Variants in DEPDC1 observed in about 807,000 individuals in gnomAD.
DEPDC1 encodes DEP domain-containing protein 1A.
A neutral mutation model predicts 86.8 loss-of-function variants in DEPDC1; 66 were observed. That is an observed-to-expected ratio of 0.76 (90% CI 0.62 to 0.93). DEPDC1 has a LOEUF of 0.93. Among genes scored for constraint, DEPDC1 ranks in the 40% least tolerant of loss-of-function variants. DEPDC1 has a pLI of 0.00. For synonymous variants in DEPDC1, 255 were observed against 314.9 expected (o/e 0.81, Z 2.02); for missense variants, 792 against 935.7 (o/e 0.85, Z 2.00).
Position 68,482,555 on chromosome 1 carries a change from G to A in DEPDC1, c.1253C>T (p.Pro418Leu). 1 of 1,613,102 alleles carries A rather than the reference G, an allele frequency of 6.2e-7. No homozygotes were observed. The highest frequency in any genetic ancestry group is 8.5e-7 in the Non-Finnish European group (1 of 1,179,348). Reference protein sequence around the residue: ...NMHDLSSNSKPRCCSLEGIVD... With the variant: ...NMHDLSSNSKLRCCSLEGIVD... ...AATTCCTTCCAAAGAACAGCACCTT[G>A]GTTTGCTGTTAGAGGATAGATCATG... Residue 418 changes from proline to leucine, a missense_variant, in exon 8 of 12, where the codon CCA (proline) becomes CTA (leucine). By Grantham distance (98) the Pro-to-Leu change is moderately conservative. Transcript: ENST00000456315.
Position 68,497,003 on chromosome 1 carries a change from T to C in DEPDC1, c.-4A>G, listed in dbSNP as rs1481187604. On this transcript the variant is annotated 5_prime_UTR_variant, in exon 1 of 12. Coordinates refer to ENST00000456315, the MANE Select transcript of DEPDC1 (RefSeq NM_001114120.3). ...GAGGCACACCCTGACTCTCCATAGGTCTGTCAGCGCCCGGTGGCGTCCATG... is the reference window on the plus strand; with the variant it reads ...GAGGCACACCCTGACTCTCCATAGGCCTGTCAGCGCCCGGTGGCGTCCATG... 6 of 1,611,538 alleles carry C rather than the reference T, an allele frequency of 3.7e-6. No individual in the cohort carries two copies. In the African/African-American group the frequency reaches 6.7e-5, roughly 18 times the overall value.
At chr1:68,494,197 C>T (rs1477519467) in intron 2 of DEPDC1, among the ~76,000 whole-genome samples, 1 of 152,112 alleles carries the variant, frequency 6.6e-6, no homozygotes, top group Admixed American at 6.6e-5. Context: ...CAGTATTTCC[C>T]TTCCAATTCC....
chr1:68,488,509 A>G lies in DEPDC1; in HGVS notation c.591-5T>C. On this transcript the variant is annotated splice_polypyrimidine_tract_variant and splice_region_variant and intron_variant, in intron 4 of 11. Transcript: ENST00000456315. ...ACACCTAAAATGGTTTGCAGGCTAAATAGAAGAAAGAATATTAACTTTTTT... is the reference window on the plus strand; with the variant it reads ...ACACCTAAAATGGTTTGCAGGCTAAGTAGAAGAAAGAATATTAACTTTTTT... The G allele has an allele frequency of 6.3e-7, 1 of 1,598,664 alleles. No individual in the cohort carries two copies. The highest frequency in any genetic ancestry group is 1.1e-5 in the South Asian group (1 of 87,544).
At chr1:68,483,248 T>G (rs746831667) in intron 7 of DEPDC1, 1 of 525,556 alleles carries the variant, frequency 1.9e-6, no homozygotes, top group Non-Finnish European at 3.8e-6. Context: ...ATAAAATACA[T>G]ATATTTGATC....
rs777263970 is a variant in DEPDC1 at position 68,484,061 on chromosome 1, T to C, written c.799A>G (p.Thr267Ala). 1.9e-6 allele frequency: 3 copies of C among 1,583,088 alleles called. No homozygotes were observed. The highest frequency in any genetic ancestry group is 2.6e-6 in the Non-Finnish European group (3 of 1,168,772). Residue 267 changes from threonine (T) to alanine (A), a missense_variant, in exon 7 of 12, where the codon ACT becomes GCT. Transcript: ENST00000456315. ...WPRSNDMNNP[T>A]YVGFERDVFR... is the part of the protein sequence containing the mutation. Reference sequence around the variant, plus strand: ...ACATCTCGTTCAAATCCAACATAAGTTGGATTATTCATATCATTGCTTCTT... The same window carrying C: ...ACATCTCGTTCAAATCCAACATAAGCTGGATTATTCATATCATTGCTTCTT...
In DEPDC1 at chr1:68,474,381, C is replaced by T. The variant is rs1393891922; in HGVS notation, c.*2551G>A. 6.6e-6 allele frequency: 1 copy of T among 152,006 alleles called. No individual in the cohort carries two copies. Among genetic ancestry groups the T allele is most frequent in the East Asian group, 1.9e-4 (1 of 5,174 alleles). The allele number at this position is 152,006 out of a possible 1,614,324, so 9.4% of individuals were successfully genotyped here. A position where few individuals can be genotyped will look rare whatever the true frequency, so the allele number is the denominator to read the frequency against. The stretch of plus-strand genomic sequence containing the variant: ...AGAAAGGTAAGTCAGTGGGAAATTC[C>T]ATGTACATTCCATTACTAAATGCCA... On this transcript the variant is annotated 3_prime_UTR_variant, in exon 12 of 12. Coordinates refer to ENST00000456315, the MANE Select transcript of DEPDC1 (RefSeq NM_001114120.3).
At chr1:68,483,681 A>G (rs1306580697) in intron 7 of DEPDC1, 1 of 278,518 alleles carries the variant, frequency 3.6e-6, no homozygotes, top group Non-Finnish European at 6.8e-6. Context: ...TAGCTTTTAT[A>G]ATAAACTAAT....
At chr1:68,483,657 C>A (rs776312582) in intron 7 of DEPDC1, 19 of 248,806 alleles carry the variant, frequency 7.6e-5, no homozygotes, top group Non-Finnish European at 1.3e-4. Context: ...TTCCATTTGG[C>A]TATTCTTGAG....
intron 6 of DEPDC1, 35 bp from the exon 7 acceptor site, chr1:68,484,125 A>G (rs1306280167): frequency 6.9e-7 from 1 of 1,444,092 alleles, no homozygotes; most frequent in Non-Finnish European, 9.3e-7. Context: ...AAGGTAAAGT[A>G]TATTTTAATT....
intron 2 of DEPDC1, among the ~76,000 whole-genome samples, chr1:68,491,223 A>G (rs1285361799): frequency 6.6e-6 from 1 of 152,200 alleles, no homozygotes; most frequent in Admixed American, 6.5e-5. Flanking sequence ...GCAAAAGAAA[A>G]CTATCAATGG....
chr1:68,489,173 GT>G, intron 3 of DEPDC1, 139 bp from the exon 4 acceptor site: 1 of 644,310 alleles, frequency 1.6e-6, no homozygotes, highest in Non-Finnish European at 2.6e-6. Context: ...TGGTAATGGA[GT>G]TTTTAATTTT....
intron 5 of DEPDC1, 21 bp downstream of exon 5, chr1:68,488,353 A>G (rs768828682): frequency 1.3e-6 from 2 of 1,556,458 alleles, no homozygotes; most frequent in African/African-American, 1.4e-5. Context: ...TTAAAAGTCC[A>G]ATTATTTTAT....
chr1:68,495,961 C>T (rs1366581256), intron 1 of DEPDC1, among the ~76,000 whole-genome samples: 1 of 152,136 alleles, frequency 6.6e-6, no homozygotes, highest in African/African-American at 2.4e-5. Flanking sequence ...AGGTTCCTTC[C>T]TGTCCTAAAT....
intron 5 of DEPDC1, among the ~76,000 whole-genome samples, chr1:68,488,023 A>C (rs960289460): frequency 6.6e-6 from 1 of 151,830 alleles, no homozygotes; most frequent in Non-Finnish European, 1.5e-5. Flanking sequence ...GACCATTTCT[A>C]TCTTACTTAT....
chr1:68,481,081 T>C (rs540724835), intron 9 of DEPDC1, among the ~76,000 whole-genome samples: 2 of 152,032 alleles, frequency 1.3e-5, no homozygotes, highest in East Asian at 3.9e-4. Context: ...GCGTCCACAG[T>C]TATAGTCTCC....
intron 2 of DEPDC1, among the ~76,000 whole-genome samples, chr1:68,493,429 G>T (rs889099559): frequency 6.6e-6 from 1 of 152,048 alleles, no homozygotes. Context: ...AATCAGAAAA[G>T]CTCCACAGAA....
At position 68,475,809 on chromosome 1, in the gene DEPDC1, A is replaced by T. The variant is rs1347114331; in HGVS notation, c.*1123T>A. 6.6e-6 allele frequency: 1 copy of T among 151,928 alleles called. No individual in the cohort carries two copies. The allele number at this position is 151,928 out of a possible 1,614,324, so 9.4% of individuals were successfully genotyped here. On this transcript the variant is annotated 3_prime_UTR_variant, in exon 12 of 12. Transcript: ENST00000456315. ...AAAGTCAATGTGCCATTATCTTGACACTTATAAAAATGTTTATAAAAAGCA... is the reference window on the plus strand; with the variant it reads ...AAAGTCAATGTGCCATTATCTTGACTCTTATAAAAATGTTTATAAAAAGCA...
At chr1:68,481,335 G>T in intron 9 of DEPDC1, 105 bp downstream of exon 9, 3 of 1,008,332 alleles carry the variant, frequency 3.0e-6, no homozygotes, top group Non-Finnish European at 4.3e-6. Flanking sequence ...TAAGAATCTA[G>T]CACTTTAAGA....
chr1:68,488,266 G>C, intron 5 of DEPDC1, 108 bp downstream of exon 5: 1 of 1,013,116 alleles, frequency 9.9e-7, no homozygotes, highest in Non-Finnish European at 1.4e-6. Context: ...CCCCTCTGAT[G>C]CTCCATGAAA....
Sources: allele counts gnomAD v4.1 joint callset (sites outside exome capture counted in the v4.1 genomes callset), GRCh38; gene constraint gnomAD v4.1.1; transcripts MANE v1.5; gene names NCBI Gene and HGNC (gene_info 2026-07-23, HGNC 2026-07-21).